LRRK1: variants seen among roughly 807,000 people sequenced by gnomAD.
The protein encoded by LRRK1 is leucine rich repeat kinase 1, also known as leucine-rich repeat serine/threonine-protein kinase 1.
In LRRK1, 113 loss-of-function variants were observed where a neutral mutation model predicts 209.1. The ratio of observed to expected loss-of-function variants is 0.54; its 90% CI spans 0.46 to 0.63. The LOEUF is 0.63. LRRK1 is among the 30% of genes least tolerant of loss of function. LRRK1 has a pLI of 0.00. For missense variants in LRRK1, 2,284 were observed against 2,632.2 expected, an observed-to-expected ratio of 0.87 and a Z score of 2.89; for synonymous variants, 1,144 against 1,099.7, an observed-to-expected ratio of 1.04 and a Z score of -0.80.
rs1431526955 is a variant in LRRK1, at chr15:101,068,750, G to A, written c.5950G>A (p.Ala1984Thr). Residue 1984 changes from alanine (A) to threonine (T), a missense_variant, in exon 34 of 34, where the codon GCC becomes ACC. Ala to Thr is a moderately conservative substitution (Grantham distance 58). This residue lies in a region of LRRK1 where 643 missense variants were observed against 695.9 expected (regional missense o/e 0.92). Transcript: ENST00000388948. ...AAATGAAAACACAGAGTGGTGCCTGGCCGTCTGGAGGGGCTGGGGCGCCAG... is the reference window on the plus strand; with the variant it reads ...AAATGAAAACACAGAGTGGTGCCTGACCGTCTGGAGGGGCTGGGGCGCCAG... The part of the protein sequence containing the change: ...FENENTEWCL[A>T]VWRGWGAREF... The A allele has an allele frequency of 6.2e-7, 1 of 1,613,968 alleles. No individual in the cohort carries two copies.
chr15:100,954,588 ATTTTTTCCTATGTTTTCTCCTAGGAG>A (rs2042717065), intron 2 of LRRK1, among the ~76,000 whole-genome samples: 3 of 151,962 alleles, frequency 2.0e-5, no homozygotes, highest in Non-Finnish European at 2.9e-5. Context: ...TGTCAAGGAG[ATTTTTTCCTATGTTTTCTCCTAGGAG>A]TTTTACTGTT....
intron 2 of LRRK1, among the ~76,000 whole-genome samples, chr15:100,928,434 C>T (rs1195712641): frequency 2.0e-5 from 3 of 152,312 alleles, no homozygotes; most frequent in East Asian, 1.9e-4. Flanking sequence ...TCTCCCACCC[C>T]CCAAATCCAC....
intron 6 of LRRK1, among the ~76,000 whole-genome samples, chr15:101,001,367 G>T (rs2032681354): frequency 6.6e-6 from 1 of 152,148 alleles, no homozygotes; most frequent in Non-Finnish European, 1.5e-5. Context: ...GATAACCTGG[G>T]ATGAGCCTTC....
In LRRK1 at chr15:101,014,336, A is replaced by G; in HGVS notation, c.1440A>G (p.Leu480=). The change falls in exon 11 of 34, where the codon TTA becomes TTG. Residue 480 remains leucine, a synonymous_variant. Transcript: ENST00000388948. ...FQLDALMFLR[L]QGNQLAALPP... is the part of the protein sequence containing the mutation. ...CTCAGGCCCTCATGTTCTTGAGGTTACAGGGGAACCAGCTGGCGGCACTTC... is the reference window on the plus strand; with the variant it reads ...CTCAGGCCCTCATGTTCTTGAGGTTGCAGGGGAACCAGCTGGCGGCACTTC... The G allele has an allele frequency of 6.2e-7, 1 of 1,613,430 alleles. No homozygotes were observed. Among genetic ancestry groups the G allele is most frequent in the South Asian group, 1.1e-5 (1 of 91,014 alleles).
intron 10 of LRRK1, among the ~76,000 whole-genome samples, chr15:101,013,920 G>A (rs1035733278): frequency 6.6e-6 from 1 of 152,142 alleles, no homozygotes; most frequent in Non-Finnish European, 1.5e-5. Flanking sequence ...CACCAGCACT[G>A]TACTGCATGC....
At chr15:101,059,076 T>C (rs978090664) in intron 29 of LRRK1, among the ~76,000 whole-genome samples, 3 of 152,216 alleles carry the variant, frequency 2.0e-5, no homozygotes, top group Non-Finnish European at 4.4e-5. Flanking sequence ...ACAGACGTAC[T>C]CTAAGAAATG....
chr15:100,980,286 T>C (rs1377331785), intron 3 of LRRK1, among the ~76,000 whole-genome samples: 1 of 137,236 alleles, frequency 7.3e-6, no homozygotes, highest in African/African-American at 2.6e-5. Flanking sequence ...ATTATGCTGA[T>C]TTAAAAAAAA....
intron 29 of LRRK1, among the ~76,000 whole-genome samples, chr15:101,060,343 C>CAAAGT (rs2036089864): frequency 6.6e-6 from 1 of 152,092 alleles, no homozygotes; most frequent in South Asian, 2.1e-4. Flanking sequence ...TGTTTGTTTT[C>CAAAGT]AAAGTAAAAG....
At chr15:101,067,173 G>C (rs1450421530) in intron 33 of LRRK1, 1 of 441,338 alleles carries the variant, frequency 2.3e-6, no homozygotes, top group Non-Finnish European at 4.6e-6. Flanking sequence ...CAAGCCTGGG[G>C]TCTCAGCTCC....
chr15:100,962,794 CATATATAT>C (rs769399875), intron 2 of LRRK1, among the ~76,000 whole-genome samples: 3,064 of 39,364 alleles, frequency 0.078, 369 homozygotes, highest in South Asian at 0.16. Flanking sequence ...TTTCATTTTG[CATATATAT>C]ATATATATAT....
intron 2 of LRRK1, among the ~76,000 whole-genome samples, chr15:100,946,784 AT>A (rs1417766122): frequency 6.6e-6 from 1 of 152,234 alleles, no homozygotes; most frequent in Non-Finnish European, 1.5e-5. Context: ...GACATCATAA[AT>A]TTAGGAGAAC....
chr15:101,015,459 C>A, intron 12 of LRRK1, 57 bp downstream of exon 12: 1 of 1,334,448 alleles, frequency 7.5e-7, no homozygotes, highest in Non-Finnish European at 1.1e-6. Context: ...TAGCCTGGTT[C>A]CTGCTCCACC....
chr15:101,057,452 G>A (rs1371936082), intron 28 of LRRK1, among the ~76,000 whole-genome samples: 1 of 152,164 alleles, frequency 6.6e-6, no homozygotes, highest in African/African-American at 2.4e-5. Context: ...TGGTGTTTTT[G>A]TGTTTTTGGA....
intron 12 of LRRK1, among the ~76,000 whole-genome samples, chr15:101,019,911 G>T (rs2033699697): frequency 6.6e-6 from 1 of 152,130 alleles, no homozygotes; most frequent in Non-Finnish European, 1.5e-5. Context: ...ATGCTCTGGT[G>T]CCCGTGGAAA....
chr15:101,075,065 T>TTTG lies in LRRK1; in HGVS notation c.*6217_*6218insTTG, dbSNP rs1297347800. ...CCCTAGACCATCACGGACGCCGAGC[T>TTTG]GCCAGTAACTCTCACAGTGGAAGGT... On this transcript the variant is annotated 3_prime_UTR_variant, in exon 34 of 34. Coordinates refer to ENST00000388948, the MANE Select transcript of LRRK1 (RefSeq NM_024652.6). 1.2e-5 allele frequency: 1 copy of TTTG among 80,900 alleles called. No homozygotes were observed. The highest frequency in any genetic ancestry group is 4.0e-4 in the South Asian group (1 of 2,520). The allele number at this position is 80,900 out of a possible 1,614,324, so 5.0% of individuals were successfully genotyped here. A position where few individuals can be genotyped will look rare whatever the true frequency, so the allele number is the denominator to read the frequency against.
At chr15:100,934,340 C>T (rs1447080133) in intron 2 of LRRK1, among the ~76,000 whole-genome samples, 1 of 152,056 alleles carries the variant, frequency 6.6e-6, no homozygotes. Flanking sequence ...TCTTCTAAGC[C>T]CCAGCTTTGT....
chr15:101,059,234 A>AATAAATAACAAAAATTAGC (rs1192542957), intron 29 of LRRK1, among the ~76,000 whole-genome samples: 1 of 151,996 alleles, frequency 6.6e-6, no homozygotes, highest in East Asian at 1.9e-4. Context: ...TACAAAAATA[A>AATAAATAACAAAAATTAGC]ATAAATAACA....
In LRRK1 at chr15:101,008,967, C is replaced by T. The variant is rs1188757802; in HGVS notation, c.893C>T (p.Pro298Leu). 1 of 1,614,148 alleles carries T rather than the reference C, an allele frequency of 6.2e-7. No homozygotes were observed. The highest frequency in any genetic ancestry group is 1.1e-5 in the South Asian group (1 of 91,084). The change falls in exon 7 of 34, where the codon CCC becomes CTC. Residue 298 changes from proline (P) to leucine (L), a missense_variant. Pro to Leu is a moderately conservative substitution (Grantham distance 98, BLOSUM62 -3). Coordinates refer to ENST00000388948, the MANE Select transcript of LRRK1 (RefSeq NM_024652.6). ...CTGGCGACCCTCCCCTCGGTTATCCCCTGGGGCCTCATCAATCTCCGGAAG... is the reference window on the plus strand; with the variant it reads ...CTGGCGACCCTCCCCTCGGTTATCCTCTGGGGCCTCATCAATCTCCGGAAG... ...NCLATLPSVI[P>L]WGLINLRKLN...
chr15:101,048,845 C>T (rs1476386765), intron 22 of LRRK1, among the ~76,000 whole-genome samples, 188 bp downstream of exon 22: 1 of 152,200 alleles, frequency 6.6e-6, no homozygotes, highest in Non-Finnish European at 1.5e-5. Context: ...TCTCCTCACC[C>T]CTGCTGAGCC....
Sources: allele counts gnomAD v4.1 joint callset (sites outside exome capture counted in the v4.1 genomes callset), GRCh38; gene constraint gnomAD v4.1.1; regional missense constraint gnomAD v4.1.1; transcripts MANE v1.5; gene names NCBI Gene and HGNC (gene_info 2026-07-23, HGNC 2026-07-21).